Variants in CFAP77 observed in about 807,000 individuals in gnomAD.
CFAP77 encodes the protein cilia and flagella associated protein 77.
In CFAP77, 25 loss-of-function variants were observed where a neutral mutation model predicts 31.1. The observed-to-expected ratio is 0.80, with a 90% CI of 0.59 to 1.12. The LOEUF (loss-of-function observed/expected upper bound fraction) is 1.12, where lower values mean the gene tolerates loss of function less well. Among genes scored for constraint, CFAP77 ranks in the 50% most tolerant of loss-of-function variants. The pLI is 0.00. For missense variants in CFAP77, 377 were observed against 397.3 expected (o/e 0.95, Z 0.44); for synonymous variants, 151 against 159.9 (o/e 0.94, Z 0.42).
At chr9:132,425,413 C>T (rs1435605120) in intron 1 of CFAP77, among the ~76,000 whole-genome samples, 1 of 151,986 alleles carries the variant, frequency 6.6e-6, no homozygotes, top group South Asian at 2.1e-4. Context: ...TCTCAATGCT[C>T]CCCCCTCCTT....
At position 132,531,631 on chromosome 9, in the gene CFAP77, G is replaced by GGT. The variant is rs1852455037; in HGVS notation, c.525-5969_525-5968insTG. 2.1e-5 allele frequency among the ~76,000 whole-genome samples: 3 copies of GGT among 143,602 alleles called. 1 individual carries two copies. Among genetic ancestry groups the GGT allele is most frequent in the African/African-American group, 5.0e-5 (2 of 40,068 alleles). 94.2% of individuals were successfully genotyped at this position (143,602 alleles called of 152,430 possible). On this transcript the variant is annotated intron_variant, in intron 3 of 5. Transcript: ENST00000393216. ...CTGGGCTTAGGCTAAGACATGGGGG[G>GGT]GGGGGCATGGAAGGCATTTTAAGCA...
At position 132,530,137 on chromosome 9, in the gene CFAP77, T is replaced by TA. The variant is rs1491115328; in HGVS notation, c.525-7464_525-7463insA. Reference sequence around the variant, plus strand: ...TTGCCTCTTTTCTTTCTTTCTTTTCTTTTTTTTTTTTTTTTTTTTTGGTTT... The same window carrying TA: ...TTGCCTCTTTTCTTTCTTTCTTTTCTATTTTTTTTTTTTTTTTTTTTGGTTT... On this transcript the variant is annotated intron_variant, in intron 3 of 5. Transcript: ENST00000393216. Among the ~76,000 whole-genome samples the TA allele has an allele frequency of 1.6e-3, 135 of 83,244 alleles. 1 individual carries two copies. The highest frequency in any genetic ancestry group is 5.9e-3 in the African/African-American group (127 of 21,470). The allele number at this position is 83,244 out of a possible 152,430, so 54.6% of individuals were successfully genotyped here.
intron 1 of CFAP77, among the ~76,000 whole-genome samples, chr9:132,469,046 T>C (rs1451647986): frequency 2.0e-5 from 3 of 151,556 alleles, no homozygotes; most frequent in East Asian, 1.9e-4. Context: ...GCCACTTCCA[T>C]CTTTATAATG....
At chr9:132,412,930 G>A (rs757567014) in intron 1 of CFAP77, among the ~76,000 whole-genome samples, 3 of 152,000 alleles carry the variant, frequency 2.0e-5, no homozygotes, top group Non-Finnish European at 4.4e-5. Context: ...TCAGCTCCCC[G>A]TAGTAGTGTG....
intron 1 of CFAP77, among the ~76,000 whole-genome samples, chr9:132,451,528 T>C (rs1285174396): frequency 6.6e-6 from 1 of 152,100 alleles, no homozygotes; most frequent in Non-Finnish European, 1.5e-5. Flanking sequence ...TGTCTGTGTG[T>C]ACAGGAGTCA....
intron 3 of CFAP77, among the ~76,000 whole-genome samples, chr9:132,518,297 A>T (rs1410848860): frequency 6.6e-6 from 1 of 152,152 alleles, no homozygotes; most frequent in Non-Finnish European, 1.5e-5. Context: ...GCAAACTGCC[A>T]ACAAGCACAG....
Position 132,496,012 on chromosome 9 carries a change from C to A in CFAP77, c.196-2683C>A, listed in dbSNP as rs534174776. ...AGTCAATGATAATTTGCTATGGCAGCCTAAGCTGACTAAGACATAGTATTT... is the reference window on the plus strand; with the variant it reads ...AGTCAATGATAATTTGCTATGGCAGACTAAGCTGACTAAGACATAGTATTT... On this transcript the variant is annotated intron_variant, in intron 1 of 5. Transcript: ENST00000393216. Among the ~76,000 whole-genome samples, 4 of 152,144 alleles carry A rather than the reference C, an allele frequency of 2.6e-5. No homozygotes were observed. In the South Asian group the frequency reaches 8.3e-4, roughly 32 times the overall value.
In CFAP77 at chr9:132,501,898, T is replaced by G. The variant is rs976176176; in HGVS notation, c.524+2298T>G. On this transcript the variant is annotated intron_variant, in intron 3 of 5. Coordinates refer to ENST00000393216, the MANE Select transcript of CFAP77 (RefSeq NM_001282957.2). This position sits in a 1 kb window ranked among gnomAD's most constrained non-coding sequence, Gnocchi z 4.6. Reference sequence around the variant, plus strand: ...ACGTGGGCCGATGGTGGAAAAGACGTACAGACCAGGGTTGTGTTCCAGGAG... The same window carrying G: ...ACGTGGGCCGATGGTGGAAAAGACGGACAGACCAGGGTTGTGTTCCAGGAG... Among the ~76,000 whole-genome samples the G allele has an allele frequency of 2.0e-5, 3 of 152,122 alleles. No homozygotes were observed. The highest frequency in any genetic ancestry group is 4.4e-5 in the Non-Finnish European group (3 of 68,002).
rs1182619671 is a variant in CFAP77, at chr9:132,465,363, TAAAAA to T, written c.196-33330_196-33326del. 2.0e-5 allele frequency among the ~76,000 whole-genome samples: 3 copies of T among 152,092 alleles called. No individual in the cohort carries two copies. In the South Asian group the frequency reaches 6.2e-4, roughly 32 times the overall value. On this transcript the variant is annotated intron_variant, in intron 1 of 5. Transcript: ENST00000393216. Reference sequence around the variant, plus strand: ...CATTGCAGCAGCAAAAAAACAAAAATAAAAAATAAGAAACACCTGGTCATGAAGGT... The same window carrying T: ...CATTGCAGCAGCAAAAAAACAAAAATATAAGAAACACCTGGTCATGAAGGT...
chr9:132,425,324 G>A (rs1286477472), intron 1 of CFAP77, among the ~76,000 whole-genome samples: 1 of 152,042 alleles, frequency 6.6e-6, no homozygotes, highest in Non-Finnish European at 1.5e-5. Flanking sequence ...GATTCCCTTT[G>A]TCAGATAATT....
chr9:132,476,556 A>C (rs753677142), intron 1 of CFAP77, among the ~76,000 whole-genome samples: 1 of 152,070 alleles, frequency 6.6e-6, no homozygotes, highest in Non-Finnish European at 1.5e-5. Flanking sequence ...CTGTGACCTT[A>C]CTTGGAAATA....
intron 5 of CFAP77, among the ~76,000 whole-genome samples, chr9:132,548,710 C>CA (rs1198715383): frequency 6.6e-6 from 1 of 151,506 alleles, no homozygotes; most frequent in African/African-American, 2.4e-5. Flanking sequence ...CTCCCGCCCC[C>CA]ACCCTCGGAA....
rs35737685 is a variant in CFAP77, at chr9:132,559,346, CAAAA to C, written c.733-13025_733-13022del. Among the ~76,000 whole-genome samples the C allele has an allele frequency of 2.9e-4, 16 of 56,086 alleles. 1 individual carries two copies. The highest frequency in any genetic ancestry group is 2.0e-3 in the South Asian group (3 of 1,490). The allele number at this position is 56,086 out of a possible 152,430, so 36.8% of individuals were successfully genotyped here. A position where few individuals can be genotyped will look rare whatever the true frequency, so the allele number is the denominator to read the frequency against. On this transcript the variant is annotated intron_variant, in intron 5 of 5. Coordinates refer to ENST00000393216, the MANE Select transcript of CFAP77 (RefSeq NM_001282957.2). The stretch of plus-strand genomic sequence containing the variant: ...CGCGTCAGAGTGAGACTCTGTCTTG[CAAAA>C]AAAAAAAAAAAAAAAAGGCAAAAGA...
intron 3 of CFAP77, among the ~76,000 whole-genome samples, chr9:132,532,310 G>A (rs1420734502): frequency 1.3e-5 from 2 of 152,212 alleles, no homozygotes; most frequent in Non-Finnish European, 2.9e-5. Context: ...TTAGGGTCTG[G>A]TTTAGCTCTG....
chr9:132,426,703 T>C (rs1443270877), intron 1 of CFAP77, among the ~76,000 whole-genome samples: 1 of 152,198 alleles, frequency 6.6e-6, no homozygotes, highest in Non-Finnish European at 1.5e-5. Context: ...CTGTACCCAC[T>C]TTCCATCACT....
intron 3 of CFAP77, among the ~76,000 whole-genome samples, chr9:132,529,345 T>C (rs1379105223): frequency 7.3e-5 from 8 of 110,238 alleles, no homozygotes; most frequent in African/African-American, 2.4e-4. Flanking sequence ...TATCACACTC[T>C]GGGGACTGTC....
intron 1 of CFAP77, among the ~76,000 whole-genome samples, chr9:132,475,390 C>T (rs1851333246): frequency 6.6e-6 from 1 of 152,200 alleles, no homozygotes; most frequent in Non-Finnish European, 1.5e-5. Flanking sequence ...TACCACTAGG[C>T]CCCTTCGCTA....
At position 132,438,519 on chromosome 9, in the gene CFAP77, GTA is replaced by G. The variant is rs34631762; in HGVS notation, c.195+28075_195+28076del. 8.0e-3 allele frequency among the ~76,000 whole-genome samples: 939 copies of G among 116,656 alleles called. 14 individuals carry two copies. Among genetic ancestry groups the G allele is most frequent in the Middle Eastern group, 0.02 (5 of 246 alleles). The allele number at this position is 116,656 out of a possible 152,430, so 76.5% of individuals were successfully genotyped here. A position where few individuals can be genotyped will look rare whatever the true frequency, so the allele number is the denominator to read the frequency against. ...TCCTTTATTTGGGGGAACAGATATGGTATATATATATATATATATATATTTTT... is the reference window on the plus strand; with the variant it reads ...TCCTTTATTTGGGGGAACAGATATGGTATATATATATATATATATATTTTT... On this transcript the variant is annotated intron_variant, in intron 1 of 5. Coordinates refer to ENST00000393216, the MANE Select transcript of CFAP77 (RefSeq NM_001282957.2).
At chr9:132,470,489 G>A (rs72765900) in intron 1 of CFAP77, among the ~76,000 whole-genome samples, 1 of 152,310 alleles carries the variant, frequency 6.6e-6, no homozygotes, top group Non-Finnish European at 1.5e-5. Flanking sequence ...GAGTCCAGTT[G>A]GCCTCGCATC....
Sources: allele counts gnomAD v4.1 joint callset (sites outside exome capture counted in the v4.1 genomes callset), GRCh38; gene constraint gnomAD v4.1.1; non-coding constraint Gnocchi (gnomAD v3.1); transcripts MANE v1.5; gene names NCBI Gene and HGNC (gene_info 2026-07-23, HGNC 2026-07-21).